The following UTRN variants were observed in gnomAD, a reference collection of about 807,000 sequenced individuals.
The protein encoded by UTRN is utrophin.
A neutral mutation model predicts 463.9 loss-of-function variants in UTRN; 283 were observed. That is an observed-to-expected ratio of 0.61 (90% CI 0.55 to 0.67). The LOEUF (loss-of-function observed/expected upper bound fraction) is 0.67. Ranked by LOEUF, UTRN falls within the 30% of genes least tolerant of loss-of-function variation. The probability of loss-of-function intolerance (pLI) is 0.00; values close to 1 mark genes in which losing one functional copy is unlikely to be tolerated. For synonymous variants in UTRN, 1,442 were observed against 1,431.5 expected (o/e 1.01, Z -0.17); for missense variants, 3,922 against 4,084.3 (o/e 0.96, Z 1.08).
intron 58 of UTRN, among the ~76,000 whole-genome samples, chr6:144,766,521 C>T (rs1486084492): frequency 1.3e-5 from 2 of 151,814 alleles, no homozygotes; most frequent in Non-Finnish European, 2.9e-5. Flanking sequence ...CCTTCTAATA[C>T]ACTGTATAAC....
chr6:144,766,180 G>T (rs1441539185), intron 58 of UTRN, among the ~76,000 whole-genome samples: 2 of 151,990 alleles, frequency 1.3e-5, no homozygotes, highest in Non-Finnish European at 2.9e-5. Flanking sequence ...CAATGTTACT[G>T]ATGGGGGTAC....
rs187185005 is a variant in UTRN, at chr6:144,676,193, A to G, written c.7480-2213A>G. On this transcript the variant is annotated intron_variant, in intron 51 of 74. Transcript: ENST00000367545. Reference sequence around the variant, plus strand: ...TAGTTATCAAAATAGATTAAGGGCAAGTAAAGTTAGGGAGACTGACTTTCT... The same window carrying G: ...TAGTTATCAAAATAGATTAAGGGCAGGTAAAGTTAGGGAGACTGACTTTCT... 1.3e-4 allele frequency among the ~76,000 whole-genome samples: 20 copies of G among 152,250 alleles called. No homozygotes were observed. In the East Asian group the frequency reaches 3.9e-3, roughly 29 times the overall value.
At chr6:144,540,374 T>A (rs1797889876) in intron 45 of UTRN, among the ~76,000 whole-genome samples, 1 of 152,180 alleles carries the variant, frequency 6.6e-6, no homozygotes, top group Non-Finnish European at 1.5e-5. Context: ...ATATCAGTCA[T>A]TTTCTCTCTC....
At chr6:144,646,602 A>G (rs1398401356) in intron 51 of UTRN, among the ~76,000 whole-genome samples, 4 of 152,154 alleles carry the variant, frequency 2.6e-5, no homozygotes, top group Non-Finnish European at 2.9e-5. Flanking sequence ...CCATGCCAAC[A>G]TTCCTTTATT....
chr6:144,550,956 A>G lies in UTRN; in HGVS notation c.6811-9A>G. The G allele has an allele frequency of 6.3e-7, 1 of 1,586,582 alleles. No individual in the cohort carries two copies. Among genetic ancestry groups the G allele is most frequent in the East Asian group, 2.2e-5 (1 of 44,478 alleles). Reference sequence around the variant, plus strand: ...TTAACCTATCCGAATAATCATTTCTACTTAACAGATTACAAAGGCTGACTT... The same window carrying G: ...TTAACCTATCCGAATAATCATTTCTGCTTAACAGATTACAAAGGCTGACTT... On this transcript the variant is annotated splice_polypyrimidine_tract_variant and intron_variant, in intron 47 of 74. Transcript: ENST00000367545.
At chr6:144,613,022 C>A (rs1284107829) in intron 51 of UTRN, among the ~76,000 whole-genome samples, 1 of 152,034 alleles carries the variant, frequency 6.6e-6, no homozygotes, top group African/African-American at 2.4e-5. Flanking sequence ...ACTATTCATC[C>A]TTTACAAATG....
intron 42 of UTRN, among the ~76,000 whole-genome samples, chr6:144,532,475 C>G (rs576412872): frequency 1.6e-4 from 25 of 152,228 alleles, no homozygotes; most frequent in African/African-American, 5.8e-4. Flanking sequence ...CTTATAAAAC[C>G]ATCAGATCAC....
At chr6:144,766,447 C>T (rs192271154) in intron 58 of UTRN, among the ~76,000 whole-genome samples, 2 of 152,144 alleles carry the variant, frequency 1.3e-5, no homozygotes, top group East Asian at 1.9e-4. Context: ...GTTAACAGAA[C>T]CTGTATTTTG....
intron 50 of UTRN, among the ~76,000 whole-genome samples, chr6:144,573,112 C>G (rs1801108347): frequency 6.6e-6 from 1 of 152,154 alleles, no homozygotes; most frequent in Non-Finnish European, 1.5e-5. Flanking sequence ...GATGGTATCT[C>G]ATTGTGGTTT....
intron 51 of UTRN, among the ~76,000 whole-genome samples, chr6:144,642,121 A>C (rs915696188): frequency 6.6e-6 from 1 of 152,208 alleles, no homozygotes; most frequent in Admixed American, 6.5e-5. Flanking sequence ...CCAGTTAAAA[A>C]GCTGCAAAAG....
intron 2 of UTRN, among the ~76,000 whole-genome samples, chr6:144,364,993 T>C (rs566561180): frequency 6.6e-6 from 1 of 152,328 alleles, no homozygotes; most frequent in Admixed American, 6.5e-5. Flanking sequence ...CTAAAGTCAG[T>C]TGATTAGCAA....
At chr6:144,754,552 T>A (rs964675029) in intron 56 of UTRN, among the ~76,000 whole-genome samples, 168 bp from the exon 57 acceptor site, 3 of 150,346 alleles carry the variant, frequency 2.0e-5, no homozygotes, top group Admixed American at 6.6e-5. Flanking sequence ...TTTTTTTTTT[T>A]ACCATTACTC....
chr6:144,461,775 G>T (rs1789439883), intron 22 of UTRN, among the ~76,000 whole-genome samples: 1 of 152,148 alleles, frequency 6.6e-6, no homozygotes, highest in South Asian at 2.1e-4. Flanking sequence ...CCCACACTGG[G>T]TTTGCTGTTC....
chr6:144,372,218 T>C (rs7743190), intron 2 of UTRN, among the ~76,000 whole-genome samples: 20,357 of 152,280 alleles, frequency 0.13, 4,102 homozygotes, highest in African/African-American at 0.43. Context: ...TAGCATCTAA[T>C]GAGCTCAGCG....
At chr6:144,702,587 G>A (rs1028586308) in intron 53 of UTRN, among the ~76,000 whole-genome samples, 5 of 152,210 alleles carry the variant, frequency 3.3e-5, no homozygotes, top group African/African-American at 1.2e-4. Context: ...GAAGATACAG[G>A]AGGATGTGGG....
intron 34 of UTRN, among the ~76,000 whole-genome samples, chr6:144,508,535 A>G (rs967727461): frequency 2.0e-5 from 3 of 152,044 alleles, no homozygotes; most frequent in African/African-American, 7.2e-5. Context: ...TCCCTGGTGA[A>G]GCGACACCCT....
At chr6:144,762,724 TG>T (rs1429214839) in intron 58 of UTRN, among the ~76,000 whole-genome samples, 1 of 152,170 alleles carries the variant, frequency 6.6e-6, no homozygotes, top group Non-Finnish European at 1.5e-5. Flanking sequence ...CCCATTCACA[TG>T]ATCTGAAGAT....
chr6:144,304,351 C>A (rs756584772), intron 2 of UTRN, among the ~76,000 whole-genome samples: 4 of 152,090 alleles, frequency 2.6e-5, no homozygotes, highest in Admixed American at 6.5e-5. Context: ...ACTTTGTTGC[C>A]TTGCCTCTAC....
intron 3 of UTRN, among the ~76,000 whole-genome samples, chr6:144,403,750 TA>T (rs1428911977): frequency 3.3e-5 from 5 of 152,176 alleles, no homozygotes; most frequent in African/African-American, 1.2e-4. Flanking sequence ...TATTTTTTCA[TA>T]GGGGCAGAGC....
Sources: gnomAD v4.1 joint callset for allele counts (sites outside exome capture counted in the v4.1 genomes callset) on GRCh38, gnomAD v4.1.1 for gene constraint, MANE v1.5 for transcripts, NCBI Gene and HGNC (gene_info 2026-07-23, HGNC 2026-07-21) for gene names.